Variants in STOX2 observed in about 807,000 individuals in gnomAD.
STOX2 encodes storkhead box 2, also known as storkhead-box protein 2.
Under a neutral mutation model 60.9 loss-of-function variants are expected in STOX2, and 28 were observed. The observed-to-expected ratio is 0.46, with a 90% confidence interval of 0.34 to 0.63. The LOEUF is 0.63. Among genes scored for constraint, STOX2 ranks in the 30% least tolerant of loss-of-function variants. STOX2 has a pLI of 0.01. For synonymous variants in STOX2, 472 were observed against 463.9 expected, an observed-to-expected ratio of 1.02 and a Z score of -0.22; for missense variants, 1,024 against 1,187.7, an observed-to-expected ratio of 0.86 and a Z score of 2.03.
chr4:183,879,670 G>A (rs1291044073), intron 1 of STOX2, among the ~76,000 whole-genome samples: 4 of 152,094 alleles, frequency 2.6e-5, no homozygotes, highest in Non-Finnish European at 5.9e-5. Flanking sequence ...GGAGAAATCT[G>A]GAGCCCAGAT....
At chr4:183,961,014 G>T (rs1743396128) in intron 1 of STOX2, among the ~76,000 whole-genome samples, 1 of 152,126 alleles carries the variant, frequency 6.6e-6, no homozygotes, top group Non-Finnish European at 1.5e-5. Flanking sequence ...CCCTACCCCT[G>T]GTTCTCTGTG....
intron 1 of STOX2, among the ~76,000 whole-genome samples, chr4:183,984,993 C>T (rs1435554633): frequency 1.3e-5 from 2 of 152,108 alleles, no homozygotes; most frequent in Non-Finnish European, 2.9e-5. Context: ...CATTATGAAA[C>T]CCACCGTACT....
intron 1 of STOX2, among the ~76,000 whole-genome samples, chr4:183,888,119 C>T (rs1165419653): frequency 6.6e-6 from 1 of 152,084 alleles, no homozygotes; most frequent in Non-Finnish European, 1.5e-5. Context: ...TATCTTTCTA[C>T]CCTACCGGGA....
At chr4:183,972,285 T>C (rs1212168638) in intron 1 of STOX2, among the ~76,000 whole-genome samples, 1 of 152,144 alleles carries the variant, frequency 6.6e-6, no homozygotes, top group Non-Finnish European at 1.5e-5. Context: ...CACATTGAAA[T>C]GCAGTTGTGC....
Position 183,947,386 on chromosome 4 carries a change from G to A in STOX2, c.166+40430G>A, listed in dbSNP as rs957060653. Reference sequence around the variant, plus strand: ...TTCGTTGTTGGCCTTGGCATTCTCTGCTTTATTAGCCATCTAGTTTGTGGG... The same window carrying A: ...TTCGTTGTTGGCCTTGGCATTCTCTACTTTATTAGCCATCTAGTTTGTGGG... On this transcript the variant is annotated intron_variant, in intron 1 of 3. Coordinates refer to ENST00000308497, the MANE Select transcript of STOX2 (RefSeq NM_020225.3). Among the ~76,000 whole-genome samples the A allele has an allele frequency of 3.3e-5, 5 of 152,078 alleles. No individual in the cohort carries two copies. The East Asian group carries it at 9.6e-4, about 29-fold the overall frequency.
rs917906613 is a variant in STOX2 at position 184,010,430 on chromosome 4, G to A, written c.1592G>A (p.Ser531Asn). Reference sequence around the variant, plus strand: ...CCCAGCCAATCCTACATTGACGACAGTACTTTAAGGCCTGCACAGACCGTT... The same window carrying A: ...CCCAGCCAATCCTACATTGACGACAATACTTTAAGGCCTGCACAGACCGTT... ...QTPSQSYIDD[S>N]TLRPAQTVSL... The change falls in exon 3 of 4, where the codon AGT (serine) becomes AAT (asparagine). Residue 531 changes from serine (S) to asparagine (N), a missense_variant. Ser to Asn is a conservative substitution (Grantham distance 46). Coordinates refer to ENST00000308497, the MANE Select transcript of STOX2 (RefSeq NM_020225.3). The surrounding 1 kb of genome is among the most constrained non-coding windows in gnomAD (Gnocchi z 4.5). The A allele has an allele frequency of 1.2e-6, 2 of 1,613,738 alleles. No homozygotes were observed. The highest frequency in any genetic ancestry group is 1.3e-5 in the African/African-American group (1 of 74,924).
Position 184,009,340 on chromosome 4 carries a change from T to A in STOX2, c.502T>A (p.Ser168Thr). Reference protein sequence around the residue: ...YHLDERIPDRSQCTSPQPGTI... With the variant: ...YHLDERIPDRTQCTSPQPGTI... Reference sequence around the variant, plus strand: ...TTTGGACGAGAGGATACCTGACCGGTCTCAGTGCACCTCTCCGCAACCCGG... The same window carrying A: ...TTTGGACGAGAGGATACCTGACCGGACTCAGTGCACCTCTCCGCAACCCGG... The change falls in exon 3 of 4, where the codon TCT becomes ACT. Residue 168 changes from serine to threonine, a missense_variant. Ser to Thr is a moderately conservative substitution (Grantham distance 58). Around this residue, in one of 3 missense-constraint regions of STOX2, gnomAD observed 922 missense variants for 1,058.3 expected, o/e 0.87. Transcript: ENST00000308497. This position sits in a 1 kb window ranked among gnomAD's most constrained non-coding sequence, Gnocchi z 4.0. 1 of 1,613,926 alleles carries A rather than the reference T, an allele frequency of 6.2e-7. No individual in the cohort carries two copies. The highest frequency in any genetic ancestry group is 8.5e-7 in the Non-Finnish European group (1 of 1,179,876).
intron 1 of STOX2, among the ~76,000 whole-genome samples, chr4:183,918,930 A>C (rs1742010578): frequency 6.6e-6 from 1 of 152,164 alleles, no homozygotes; most frequent in African/African-American, 2.4e-5. Context: ...AAAGCTGCCC[A>C]CCTTCGCTGC....
intron 1 of STOX2, among the ~76,000 whole-genome samples, chr4:183,944,483 A>G (rs1306157695): frequency 6.6e-6 from 1 of 152,356 alleles, no homozygotes; most frequent in Non-Finnish European, 1.5e-5. Context: ...TGGGAGGCCA[A>G]GGTGGGTGGA....
intron 1 of STOX2, among the ~76,000 whole-genome samples, chr4:183,998,251 C>T (rs1247909299): frequency 2.6e-5 from 4 of 152,210 alleles, no homozygotes; most frequent in African/African-American, 9.7e-5. Flanking sequence ...TCCTGTCCCT[C>T]TTTGCCAGCT....
intron 1 of STOX2, among the ~76,000 whole-genome samples, chr4:183,977,896 T>G (rs1732504111): frequency 6.6e-6 from 1 of 152,198 alleles, no homozygotes; most frequent in Non-Finnish European, 1.5e-5. Flanking sequence ...CTTGCCTGTT[T>G]TTTTGAAAAA....
In STOX2 at chr4:184,020,249, GCTT is replaced by G. The variant is rs1267178350; in HGVS notation, c.*2966_*2968del. On this transcript the variant is annotated 3_prime_UTR_variant, in exon 4 of 4. Coordinates refer to ENST00000308497, the MANE Select transcript of STOX2 (RefSeq NM_020225.3). ...GGACTCATGACTTTCCATCGCCATGGCTTTCTCTTACGCCGCTGTTTGGCTTTC... is the reference window on the plus strand; with the variant it reads ...GGACTCATGACTTTCCATCGCCATGGTCTCTTACGCCGCTGTTTGGCTTTC... 6.6e-6 allele frequency: 1 copy of G among 152,076 alleles called. No individual in the cohort carries two copies. Among genetic ancestry groups the G allele is most frequent in the Admixed American group, 6.6e-5 (1 of 15,266 alleles). The allele number at this position is 152,076 out of a possible 1,614,324, so 9.4% of individuals were successfully genotyped here. A position where few individuals can be genotyped will look rare whatever the true frequency, so the allele number is the denominator to read the frequency against.
At chr4:183,804,161 A>C (rs1324242714) in intron 1 of STOX2, among the ~76,000 whole-genome samples, 1 of 152,168 alleles carries the variant, frequency 6.6e-6, no homozygotes, top group African/African-American at 2.4e-5. Context: ...CACCTATACC[A>C]TTTAGGTATC....
chr4:184,004,565 A>G (rs1733743049), intron 2 of STOX2, among the ~76,000 whole-genome samples: 1 of 152,138 alleles, frequency 6.6e-6, no homozygotes, highest in Non-Finnish European at 1.5e-5. Context: ...ACGCCACTGC[A>G]CTCCAGCCTG....
intron 1 of STOX2, among the ~76,000 whole-genome samples, chr4:183,949,402 G>A (rs774065949): frequency 2.0e-5 from 3 of 152,072 alleles, no homozygotes; most frequent in Non-Finnish European, 4.4e-5. Flanking sequence ...GTAATTTGCT[G>A]TACTTTCTTA....
intron 1 of STOX2, among the ~76,000 whole-genome samples, chr4:183,889,688 GC>G (rs1158097320): frequency 1.3e-5 from 2 of 152,234 alleles, no homozygotes; most frequent in African/African-American, 4.8e-5. Context: ...AAAGGGCCTG[GC>G]CGGGGACTTG....
At position 183,825,134 on chromosome 4, in the gene STOX2, G is replaced by T. The variant is rs1268283647; in HGVS notation, c.364+27079G>T. Among the ~76,000 whole-genome samples, 1 of 152,180 alleles carries T rather than the reference G, an allele frequency of 6.6e-6. No homozygotes were observed. Among genetic ancestry groups the T allele is most frequent in the Non-Finnish European group, 1.5e-5 (1 of 68,026 alleles). ...ACTTGCTGAAAAGAGGCAGAGCTAGGACTGAGCATCCAAGGTCACCCCATG... is the reference window on the plus strand; with the variant it reads ...ACTTGCTGAAAAGAGGCAGAGCTAGTACTGAGCATCCAAGGTCACCCCATG... On this transcript the variant is annotated intron_variant, in intron 1 of 2. Transcript: ENST00000513034. This position sits in a 1 kb window ranked among gnomAD's most constrained non-coding sequence, Gnocchi z 4.1.
chr4:183,917,233 T>C (rs975838355), intron 1 of STOX2, among the ~76,000 whole-genome samples: 1 of 152,102 alleles, frequency 6.6e-6, no homozygotes, highest in African/African-American at 2.4e-5. Flanking sequence ...GCCCCAGGGG[T>C]TGATGGAAGG....
rs182853810 is a variant in STOX2, at chr4:183,889,210, C to T, written c.364+91155C>T. The stretch of plus-strand genomic sequence containing the variant: ...CCTTATTTGGAAATAGGGTAGTTGG[C>T]GATATCATTAGTTAAGAGGAGGTTG... On this transcript the variant is annotated intron_variant, in intron 1 of 2. Transcript: ENST00000513034. Among the ~76,000 whole-genome samples, 492 of 151,942 alleles carry T rather than the reference C, an allele frequency of 3.2e-3. 3 individuals are homozygous for T. The highest frequency in any genetic ancestry group is 0.017 in the Middle Eastern group (5 of 294).
Sources: allele counts gnomAD v4.1 joint callset (sites outside exome capture counted in the v4.1 genomes callset), GRCh38; gene constraint gnomAD v4.1.1; regional missense constraint gnomAD v4.1.1; non-coding constraint Gnocchi (gnomAD v3.1); transcripts MANE v1.5; gene names NCBI Gene and HGNC (gene_info 2026-07-23, HGNC 2026-07-21).